TMEM132B: variants seen among roughly 807,000 people sequenced by gnomAD.
The protein encoded by TMEM132B is transmembrane protein 132B.
Under a neutral mutation model 90.8 loss-of-function variants are expected in TMEM132B, and 18 were observed. The ratio of observed to expected loss-of-function variants is 0.20; its 90% CI spans 0.14 to 0.29. The LOEUF is 0.29. Ranked by LOEUF, TMEM132B falls within the 10% of genes least tolerant of loss-of-function variation. The pLI, the probability that TMEM132B is intolerant of heterozygous loss-of-function variation, is 1.00. For missense variants in TMEM132B, 1,096 were observed against 1,326.8 expected (o/e 0.83, Z 2.70); for synonymous variants, 504 against 523.3 (o/e 0.96, Z 0.50).
chr12:125,618,182 C>T (rs1470467352), intron 5 of TMEM132B, among the ~76,000 whole-genome samples: 1 of 152,098 alleles, frequency 6.6e-6, no homozygotes. Context: ...GGACACTAGC[C>T]TCTAGTATTC....
chr12:125,550,358 G>GT lies in TMEM132B; in HGVS notation c.1293+30741dup, dbSNP rs554451672. 8.5e-4 allele frequency among the ~76,000 whole-genome samples: 129 copies of GT among 151,862 alleles called. 1 individual carries two copies. Among genetic ancestry groups the GT allele is most frequent in the Non-Finnish European group, 1.5e-3 (105 of 67,910 alleles). ...CTTCCATGGGCTATTTCTATATTCT[G>GT]TTTTTTTTAAACTCATTTATAGTTA... On this transcript the variant is annotated intron_variant, in intron 4 of 8. Transcript: ENST00000682704.
intron 2 of TMEM132B, among the ~76,000 whole-genome samples, chr12:125,364,154 G>T (rs1878051632): frequency 6.6e-6 from 1 of 152,124 alleles, no homozygotes; most frequent in Admixed American, 6.5e-5. Context: ...GGTTATCTCT[G>T]GGGAAGAACA....
chr12:125,345,153 G>A (rs1408861642), intron 1 of TMEM132B, among the ~76,000 whole-genome samples: 2 of 152,106 alleles, frequency 1.3e-5, no homozygotes, highest in Non-Finnish European at 2.9e-5. Flanking sequence ...TGGTCACCTG[G>A]CCACCTGGCC....
intron 1 of TMEM132B, among the ~76,000 whole-genome samples, chr12:125,316,146 T>C (rs531181386): frequency 6.6e-6 from 1 of 152,308 alleles, no homozygotes; most frequent in African/African-American, 2.4e-5. Context: ...TCTTTAGGTG[T>C]TGGAACATTC....
intron 2 of TMEM132B, among the ~76,000 whole-genome samples, chr12:125,366,314 C>A (rs2136261116): frequency 6.6e-6 from 1 of 152,206 alleles, no homozygotes; most frequent in African/African-American, 2.4e-5. Context: ...ATTGTGGCTA[C>A]TGTGAATAGT....
chr12:125,496,372 C>T (rs115807866), intron 3 of TMEM132B, among the ~76,000 whole-genome samples: 1,565 of 152,242 alleles, frequency 0.01, 27 homozygotes, highest in African/African-American at 0.036. Flanking sequence ...TTTCCCTATA[C>T]ATCAGTTGAA....
At chr12:125,426,957 C>A (rs1484214546) in intron 3 of TMEM132B, among the ~76,000 whole-genome samples, 1 of 152,190 alleles carries the variant, frequency 6.6e-6, no homozygotes, top group Non-Finnish European at 1.5e-5. Flanking sequence ...AAAAAGGCTT[C>A]TCAGAGGAGG....
chr12:125,511,048 C>T (rs1198044378), intron 3 of TMEM132B, among the ~76,000 whole-genome samples: 1 of 152,196 alleles, frequency 6.6e-6, no homozygotes, highest in Non-Finnish European at 1.5e-5. Flanking sequence ...CATCCAGTAG[C>T]AGTCACTTCC....
At chr12:125,486,440 GT>G in intron 3 of TMEM132B, among the ~76,000 whole-genome samples, 1 of 152,180 alleles carries the variant, frequency 6.6e-6, no homozygotes, top group Non-Finnish European at 1.5e-5. Flanking sequence ...AGTCAGGATA[GT>G]TTGACCAAGA....
chr12:125,237,601 A>G (rs1204894866), intron 1 of TMEM132B, among the ~76,000 whole-genome samples: 2 of 151,930 alleles, frequency 1.3e-5, no homozygotes, highest in African/African-American at 4.8e-5. Context: ...AGCGCCCACC[A>G]CCACGCCCAG....
chr12:125,419,185 A>G (rs1880103205), intron 3 of TMEM132B, among the ~76,000 whole-genome samples: 1 of 152,244 alleles, frequency 6.6e-6, no homozygotes, highest in South Asian at 2.1e-4. Flanking sequence ...CTTCTTCAAA[A>G]AAACAGGCAC....
chr12:125,623,482 T>C (rs895124366), intron 5 of TMEM132B, among the ~76,000 whole-genome samples: 5 of 151,960 alleles, frequency 3.3e-5, no homozygotes, highest in Admixed American at 2.0e-4. Context: ...ATTCCAGAGA[T>C]TGTCTGTGCT....
chr12:125,190,588 GTGA>G (rs1208469001), intron 1 of TMEM132B, among the ~76,000 whole-genome samples: 2 of 116,890 alleles, frequency 1.7e-5, no homozygotes, highest in South Asian at 3.5e-4. Context: ...GGTGATGATG[GTGA>G]TGATGGGGAA....
chr12:125,409,643 GT>G, intron 2 of TMEM132B, among the ~76,000 whole-genome samples: 1 of 71,846 alleles, frequency 1.4e-5, no homozygotes, highest in African/African-American at 5.1e-5. Flanking sequence ...GAGTGGAGGA[GT>G]GGAGTGGAGT....
At chr12:125,187,383 C>G (rs932056084) in intron 1 of TMEM132B, among the ~76,000 whole-genome samples, 3 of 152,220 alleles carry the variant, frequency 2.0e-5, no homozygotes, top group African/African-American at 7.2e-5. Flanking sequence ...CGCGGCCCTC[C>G]CCTGCTTTCA....
chr12:125,589,481 C>CAAAA (rs71095204), intron 5 of TMEM132B, among the ~76,000 whole-genome samples: 6 of 73,150 alleles, frequency 8.2e-5, no homozygotes, highest in East Asian at 8.1e-4. Flanking sequence ...GACTCCGTCT[C>CAAAA]AAAAAAAAAA....
At chr12:125,232,689 A>G (rs922576372) in intron 1 of TMEM132B, among the ~76,000 whole-genome samples, 2 of 152,208 alleles carry the variant, frequency 1.3e-5, no homozygotes, top group Non-Finnish European at 2.9e-5. Context: ...TTTCTCTCTC[A>G]TAAATGTGTA....
chr12:125,509,030 C>T (rs1235740393), intron 3 of TMEM132B, among the ~76,000 whole-genome samples: 2 of 151,902 alleles, frequency 1.3e-5, no homozygotes, highest in East Asian at 1.9e-4. Context: ...GTGACCCTCC[C>T]GCCTCGGCCT....
intron 5 of TMEM132B, among the ~76,000 whole-genome samples, chr12:125,636,677 C>G (rs183731669): frequency 6.6e-6 from 1 of 152,306 alleles, no homozygotes; most frequent in East Asian, 1.9e-4. Flanking sequence ...TCCTGATTGA[C>G]AGTTTTTATT....
Sources: allele counts gnomAD v4.1 joint callset (sites outside exome capture counted in the v4.1 genomes callset), GRCh38; gene constraint gnomAD v4.1.1; transcripts MANE v1.5; gene names NCBI Gene and HGNC (gene_info 2026-07-23, HGNC 2026-07-21).